The following TNRC18 variants were observed in gnomAD, a reference collection of about 807,000 sequenced individuals.
The protein encoded by TNRC18 is trinucleotide repeat-containing gene 18 protein.
Under a neutral mutation model 226.7 loss-of-function variants are expected in TNRC18, and 69 were observed. That is an observed-to-expected ratio of 0.30 (90% confidence interval 0.25 to 0.37). The LOEUF (loss-of-function observed/expected upper bound fraction) is 0.37, where lower values mean the gene tolerates loss of function less well. TNRC18 is among the 10% of genes least tolerant of loss of function. The pLI is 1.00. For missense variants in TNRC18, 4,754 were observed against 4,256.6 expected (o/e 1.12, Z -3.25); for synonymous variants, 2,449 against 1,927.6 (o/e 1.27, Z -7.09).
chr7:5,332,748 G>C lies in TNRC18; in HGVS notation c.6021C>G (p.Ala2007=), dbSNP rs931658938. 1.4e-5 allele frequency: 21 copies of C among 1,521,366 alleles called. No individual in the cohort carries two copies. The Admixed American group carries it at 2.6e-4, about 19-fold the overall frequency. 94.2% of individuals were successfully genotyped at this position (1,521,366 alleles called of 1,614,324 possible). A position where few individuals can be genotyped will look rare whatever the true frequency, so the allele number is the denominator to read the frequency against. ...TGACGGGCGCAGGTGCAGCAGCCGA[G>C]GCGTCGTGCAGGAAGATGCGCTCGC... ...RRSERIFLHD[A]SAAAPAPVST... Residue 2007 remains alanine (A), a synonymous_variant, in exon 19 of 30, where the codon GCC becomes GCG. Coordinates refer to ENST00000430969, the MANE Select transcript of TNRC18 (RefSeq NM_001080495.3).
At chr7:5,420,801 G>A in intron 2 of TNRC18, 1 of 677,352 alleles carries the variant, frequency 1.5e-6, no homozygotes, top group Non-Finnish European at 2.7e-6. Context: ...ATCGCCCCCG[G>A]TGGCTCGGGC....
chr7:5,346,050 T>C (rs769110492), intron 17 of TNRC18, among the ~76,000 whole-genome samples: 31 of 152,206 alleles, frequency 2.0e-4, no homozygotes, highest in Non-Finnish European at 3.4e-4. Context: ...GCAGCGGCCT[T>C]GTGTGTCAGG....
At position 5,332,801 on chromosome 7, in the gene TNRC18, C is replaced by T; in HGVS notation, c.5968G>A (p.Asp1990Asn). 1 of 1,511,890 alleles carries T rather than the reference C, an allele frequency of 6.6e-7. No homozygotes were observed. Among genetic ancestry groups the T allele is most frequent in the Non-Finnish European group, 8.8e-7 (1 of 1,137,928 alleles). 93.7% of individuals were successfully genotyped at this position (1,511,890 alleles called of 1,614,324 possible). ...PGFEAGPEAS[D>N]DDLWTRRRSE... ...CGGCGCCGCGTCCACAGGTCGTCGT[C>T]GCTGGCCTCGGGCCCCGCCTCGAAG... is the stretch of plus-strand genomic sequence containing the variant. Residue 1990 changes from aspartate to asparagine, a missense_variant, in exon 19 of 30, where the codon GAC (aspartate) becomes AAC (asparagine). Physicochemically the swap from Asp to Asn is conservative, Grantham distance 23. Coordinates refer to ENST00000430969, the MANE Select transcript of TNRC18 (RefSeq NM_001080495.3).
intron 10 of TNRC18, among the ~76,000 whole-genome samples, chr7:5,372,556 G>T (rs1399321504): frequency 6.7e-6 from 1 of 149,928 alleles, no homozygotes. Flanking sequence ...AAAAAAAAAA[G>T]AAAAAAAAAT....
chr7:5,356,846 A>C (rs1384770585), intron 16 of TNRC18, 70 bp downstream of exon 16: 6 of 1,422,186 alleles, frequency 4.2e-6, no homozygotes, highest in Non-Finnish European at 4.6e-6. Flanking sequence ...GGGAAGGAGG[A>C]CGGTGGAGAG....
intron 5 of TNRC18, among the ~76,000 whole-genome samples, chr7:5,378,794 G>T (rs1209299389): frequency 6.6e-6 from 1 of 151,650 alleles, no homozygotes; most frequent in Non-Finnish European, 1.5e-5. Context: ...TCCAAATGGA[G>T]AAAAAAAACA....
chr7:5,345,396 C>G (rs569288869), intron 18 of TNRC18, among the ~76,000 whole-genome samples, 166 bp downstream of exon 18: 1 of 152,208 alleles, frequency 6.6e-6, no homozygotes, highest in Non-Finnish European at 1.5e-5. Flanking sequence ...GGGCCCCTGT[C>G]GCGAGCATCC....
Position 5,308,301 on chromosome 7 carries a change from G to A in TNRC18, c.8712C>T (p.Tyr2904=). ...QRKDFMERAL[Y]QSSHVDENDV... ...CATTTTCGTCCACATGCGAGGACTG[G>A]TATAGCGCGCGCTGCGGGCACGCGG... is the stretch of plus-strand genomic sequence containing the variant. Residue 2904 remains tyrosine, a synonymous_variant, in exon 30 of 30, where the codon TAC becomes TAT. Coordinates refer to ENST00000430969, the MANE Select transcript of TNRC18 (RefSeq NM_001080495.3). 6.2e-7 allele frequency: 1 copy of A among 1,611,964 alleles called. No individual in the cohort carries two copies. Among genetic ancestry groups the A allele is most frequent in the Non-Finnish European group, 8.5e-7 (1 of 1,179,092 alleles).
intron 10 of TNRC18, among the ~76,000 whole-genome samples, chr7:5,371,671 T>A (rs987072087): frequency 6.6e-6 from 1 of 152,144 alleles, no homozygotes; most frequent in African/African-American, 2.4e-5. Context: ...AAGCCAACAC[T>A]TCATGAGGTC....
rs1435722234 is a variant in TNRC18 at position 5,377,590 on chromosome 7, C to G, written c.2256-14G>C. On this transcript the variant is annotated splice_polypyrimidine_tract_variant and intron_variant, in intron 6 of 29. Coordinates refer to ENST00000430969, the MANE Select transcript of TNRC18 (RefSeq NM_001080495.3). The surrounding 1 kb of genome is among the most constrained non-coding windows in gnomAD (Gnocchi z 5.8). ...TCCTTACTCTCTCTGGAAGGAGGATCATAGGTGTCAGCGACAGCTCGGACA... is the reference window on the plus strand; with the variant it reads ...TCCTTACTCTCTCTGGAAGGAGGATGATAGGTGTCAGCGACAGCTCGGACA... 5 of 1,564,230 alleles carry G rather than the reference C, an allele frequency of 3.2e-6. No individual in the cohort carries two copies. In the East Asian group the frequency reaches 1.2e-4, roughly 37 times the overall value.
At chr7:5,410,335 A>C (rs1018092592) in intron 2 of TNRC18, among the ~76,000 whole-genome samples, 28 of 151,518 alleles carry the variant, frequency 1.8e-4, no homozygotes, top group African/African-American at 6.3e-4. Flanking sequence ...AAAAAAGAAA[A>C]GAAAAAATTC....
chr7:5,348,329 C>T (rs1791421492), intron 17 of TNRC18, among the ~76,000 whole-genome samples: 1 of 152,138 alleles, frequency 6.6e-6, no homozygotes, highest in African/African-American at 2.4e-5. Flanking sequence ...GAAAGTGACT[C>T]TAGGGGCCGC....
At chr7:5,369,246 G>A (rs1283278749) in intron 11 of TNRC18, among the ~76,000 whole-genome samples, 1 of 152,198 alleles carries the variant, frequency 6.6e-6, no homozygotes, top group East Asian at 1.9e-4. Context: ...TACCTGGGAG[G>A]CTGAAGTAGG....
chr7:5,400,620 A>C (rs577983149), intron 2 of TNRC18, among the ~76,000 whole-genome samples: 12 of 152,226 alleles, frequency 7.9e-5, no homozygotes, highest in Non-Finnish European at 4.4e-5. Flanking sequence ...TCAAATAAAT[A>C]AATATTCAAT....
chr7:5,392,522 G>A (rs1478431331), intron 3 of TNRC18, among the ~76,000 whole-genome samples: 1 of 152,198 alleles, frequency 6.6e-6, no homozygotes, highest in African/African-American at 2.4e-5. Flanking sequence ...GCTGAGGCAG[G>A]AGAATTGCTT....
Position 5,352,057 on chromosome 7 carries a change from G to A in TNRC18, c.5232C>T (p.Asp1744=), listed in dbSNP as rs777494483. Residue 1744 remains aspartate, a synonymous_variant, in exon 17 of 30, where the codon GAC becomes GAT. Transcript: ENST00000430969. The part of the protein sequence containing the change: ...DSEEDEEFLK[D]EWPAQGPSSS... ...TGGAGGGGCCTTGGGCGGGCCACTCGTCCTTCAGGAATTCTTCGTCTTCCT... is the reference window on the plus strand; with the variant it reads ...TGGAGGGGCCTTGGGCGGGCCACTCATCCTTCAGGAATTCTTCGTCTTCCT... 1.6e-5 allele frequency: 25 copies of A among 1,611,254 alleles called. No homozygotes were observed. In the African/African-American group the frequency reaches 2.7e-4, roughly 17 times the overall value.
intron 16 of TNRC18, among the ~76,000 whole-genome samples, chr7:5,352,977 G>A (rs1195406512): frequency 6.6e-6 from 1 of 152,202 alleles, no homozygotes; most frequent in Non-Finnish European, 1.5e-5. Context: ...CCGAGTCCAA[G>A]AGAAACCACA....
At chr7:5,385,401 T>C (rs1332498186) in intron 5 of TNRC18, among the ~76,000 whole-genome samples, 1 of 138,306 alleles carries the variant, frequency 7.2e-6, no homozygotes, top group Non-Finnish European at 1.5e-5. Flanking sequence ...GGCAGGAGAA[T>C]GGCGTGAACC....
chr7:5,314,062 G>A (rs1484735474), intron 26 of TNRC18, among the ~76,000 whole-genome samples, 199 bp from the exon 27 acceptor site: 2 of 151,926 alleles, frequency 1.3e-5, no homozygotes, highest in South Asian at 2.1e-4. Flanking sequence ...GGGCTCATGT[G>A]AGCCTCCAGC....
Sources: allele counts gnomAD v4.1 joint callset (sites outside exome capture counted in the v4.1 genomes callset), GRCh38; gene constraint gnomAD v4.1.1; non-coding constraint Gnocchi (gnomAD v3.1); transcripts MANE v1.5; gene names NCBI Gene and HGNC (gene_info 2026-07-23, HGNC 2026-07-21).